The following BBS7 variants were observed in gnomAD, a reference collection of about 807,000 sequenced individuals.
The protein encoded by BBS7 is BBSome complex member BBS7.
A neutral mutation model predicts 90.3 loss-of-function variants in BBS7; 50 were observed. That is an observed-to-expected ratio of 0.55 (90% CI 0.44 to 0.70). The LOEUF (loss-of-function observed/expected upper bound fraction) is 0.70. Ranked by LOEUF, BBS7 falls within the 30% of genes least tolerant of loss-of-function variation. The probability of loss-of-function intolerance (pLI) is 0.00; values close to 1 mark genes in which losing one functional copy is unlikely to be tolerated. For synonymous variants in BBS7, 235 were observed against 287.4 expected (o/e 0.82, Z 1.85); for missense variants, 729 against 838.9 (o/e 0.87, Z 1.62).
Position 121,855,555 on chromosome 4 carries a change from C to T in BBS7, c.535G>A (p.Asp179Asn), listed in dbSNP as rs2149080347. The T allele has an allele frequency of 6.2e-7, 1 of 1,613,214 alleles. No homozygotes were observed. Among genetic ancestry groups the T allele is most frequent in the Non-Finnish European group, 8.5e-7 (1 of 1,179,402 alleles). The change falls in exon 6 of 19, where the codon GAT (aspartate) becomes AAT (asparagine). Residue 179 changes from aspartate (D) to asparagine (N), a missense_variant. Coordinates refer to ENST00000264499, the MANE Select transcript of BBS7 (RefSeq NM_176824.3). The stretch of plus-strand genomic sequence containing the variant: ...GGAACTTCAACTGCATACATCACAT[C>T]AGATCCCTGAAGGAGAAGTATTTAA... ...DRVLRVLQGS[D>N]VMYAVEVPGP...
intron 8 of BBS7, among the ~76,000 whole-genome samples, chr4:121,852,242 G>C (rs751321276): frequency 9.2e-5 from 14 of 152,124 alleles, no homozygotes; most frequent in Non-Finnish European, 1.8e-4. Flanking sequence ...GGTACCACTA[G>C]TAGATAAATT....
Position 121,863,269 on chromosome 4 carries a change from C to T in BBS7, c.113G>A (p.Gly38Glu). 1 of 1,612,914 alleles carries T rather than the reference C, an allele frequency of 6.2e-7. No individual in the cohort carries two copies. The highest frequency in any genetic ancestry group is 8.5e-7 in the Non-Finnish European group (1 of 1,179,142). Residue 38 changes from glycine (G) to glutamate (E), a missense_variant, in exon 3 of 19, where the codon GGA becomes GAA. Coordinates refer to ENST00000264499, the MANE Select transcript of BBS7 (RefSeq NM_176824.3). ...GCACATAACTACCCCATCATGATCTCCAATAACCACCTGTAATAGATGGAA... is the reference window on the plus strand; with the variant it reads ...GCACATAACTACCCCATCATGATCTTCAATAACCACCTGTAATAGATGGAA... ...RHRATQKVVIGDHDGVVMCFG... is the reference protein window; with the variant it reads ...RHRATQKVVIEDHDGVVMCFG...
intron 15 of BBS7, among the ~76,000 whole-genome samples, chr4:121,829,418 G>A (rs771994742): frequency 5.9e-5 from 9 of 152,082 alleles, no homozygotes; most frequent in Non-Finnish European, 1.2e-4. Context: ...CGTATTTTGA[G>A]TAGAGATGGG....
chr4:121,848,969 A>C, intron 8 of BBS7, 41 bp from the exon 9 acceptor site: 2 of 1,432,462 alleles, frequency 1.4e-6, no homozygotes, highest in Non-Finnish European at 2.0e-6. Context: ...AGTAACTAAA[A>C]AATCCACAGA....
At chr4:121,833,492 A>AT in intron 14 of BBS7, 97 bp from the exon 15 acceptor site, 1 of 1,086,042 alleles carries the variant, frequency 9.2e-7, no homozygotes, top group Non-Finnish European at 1.4e-6. Context: ...TAGTTGTTAA[A>AT]TATAAATGAA....
intron 8 of BBS7, among the ~76,000 whole-genome samples, chr4:121,851,480 GAAGA>G (rs764653629): frequency 2.7e-5 from 4 of 150,834 alleles, no homozygotes; most frequent in African/African-American, 7.3e-5. Context: ...AGGGAGAAAG[GAAGA>G]AAGAAAGAAA....
intron 12 of BBS7, among the ~76,000 whole-genome samples, chr4:121,842,152 T>C (rs886144587): frequency 6.6e-6 from 1 of 150,916 alleles, no homozygotes; most frequent in African/African-American, 2.4e-5. Flanking sequence ...CTTGGGAGTC[T>C]TGAGACAGGA....
At chr4:121,838,903 CAA>C (rs35360596) in intron 13 of BBS7, among the ~76,000 whole-genome samples, 54 of 103,706 alleles carry the variant, frequency 5.2e-4, no homozygotes, top group Admixed American at 9.1e-4. Context: ...GACTCCATCT[CAA>C]AAAAAAAAAA....
In BBS7 at chr4:121,861,626, C is replaced by T. The variant is rs1328247712; in HGVS notation, c.219G>A (p.Gly73=). 1.9e-6 allele frequency: 3 copies of T among 1,612,728 alleles called. No individual in the cohort carries two copies. The South Asian group carries it at 3.3e-5, about 18-fold the overall frequency. ...TTTTCTCCTGAGGTGTGTTGATAACCCCTCCCAGTTCCAGCCTTGCAATCT... is the reference window on the plus strand; with the variant it reads ...TTTTCTCCTGAGGTGTGTTGATAACTCCTCCCAGTTCCAGCCTTGCAATCT... ...GPKIARLELG[G]VINTPQEKIF... Residue 73 remains glycine, a synonymous_variant, in exon 4 of 19, where the codon GGG becomes GGA. Coordinates refer to ENST00000264499, the MANE Select transcript of BBS7 (RefSeq NM_176824.3).
chr4:121,863,985 T>A (rs1430488261), intron 2 of BBS7, among the ~76,000 whole-genome samples: 2 of 152,292 alleles, frequency 1.3e-5, no homozygotes, highest in Non-Finnish European at 2.9e-5. Flanking sequence ...AGCGGGAAAG[T>A]GATCATTTAC....
In BBS7 at chr4:121,825,780, T is replaced by G. The variant is rs1280434220; in HGVS notation, c.*80A>C. 3.0e-5 allele frequency: 44 copies of G among 1,452,122 alleles called. No homozygotes were observed. The highest frequency in any genetic ancestry group is 3.9e-5 in the Non-Finnish European group (41 of 1,048,876). The allele number at this position is 1,452,122 out of a possible 1,614,324, so 90.0% of individuals were successfully genotyped here. On this transcript the variant is annotated 3_prime_UTR_variant, in exon 19 of 19. Transcript: ENST00000264499. ...AAAAAGCATTTGAAATTAAAGTACA[T>G]ACACAGTTAACTTCTAATTCTCTTT... is the stretch of plus-strand genomic sequence containing the variant.
intron 3 of BBS7, among the ~76,000 whole-genome samples, chr4:121,862,097 G>C (rs1354271107): frequency 6.6e-6 from 1 of 152,034 alleles, no homozygotes; most frequent in Admixed American, 6.6e-5. Context: ...AGTCCATTTG[G>C]CAAATTCTTT....
chr4:121,847,974 A>C (rs1262661223), intron 9 of BBS7, among the ~76,000 whole-genome samples: 1 of 152,118 alleles, frequency 6.6e-6, no homozygotes, highest in East Asian at 1.9e-4. Context: ...TTTTTATAAG[A>C]CATGTACATA....
chr4:121,825,969 T>C lies in BBS7; in HGVS notation c.2039A>G (p.Asp680Gly). 1 of 1,604,702 alleles carries C rather than the reference T, an allele frequency of 6.2e-7. No individual in the cohort carries two copies. The highest frequency in any genetic ancestry group is 1.7e-5 in the Admixed American group (1 of 59,952). Reference sequence around the variant, plus strand: ...ATTGGTGCCTTTAAACTTAAATTTATCTATGAAAAGATCAGTGATCATGCC... The same window carrying C: ...ATTGGTGCCTTTAAACTTAAATTTACCTATGAAAAGATCAGTGATCATGCC... The part of the protein sequence containing the change: ...LYGMITDLFI[D>G]KFKFKGTNVK... The change falls in exon 19 of 19, where the codon GAT becomes GGT. Residue 680 changes from aspartate to glycine, a missense_variant. By Grantham distance (94) the Asp-to-Gly change is moderately conservative (BLOSUM62 -1). Coordinates refer to ENST00000264499, the MANE Select transcript of BBS7 (RefSeq NM_176824.3).
intron 14 of BBS7, 118 bp downstream of exon 14, chr4:121,835,026 G>A (rs1437870742): frequency 9.8e-7 from 1 of 1,015,492 alleles, no homozygotes; most frequent in Non-Finnish European, 1.4e-6. Context: ...TATTTAAACT[G>A]TTTATTTAAT....
chr4:121,850,926 C>T (rs1304041977), intron 8 of BBS7, among the ~76,000 whole-genome samples: 2 of 152,208 alleles, frequency 1.3e-5, no homozygotes, highest in East Asian at 3.8e-4. Context: ...TATAATAAAT[C>T]ACATAAAGTT....
Position 121,868,684 on chromosome 4 carries a change from C to CAAAAAAAAAAAAAAAA in BBS7, c.37-654_37-639dup, listed in dbSNP as rs34910805. ...TGCGTGACAGAACAAGACCCTGTTT[C>CAAAAAAAAAAAAAAAA]AAAAAAAAAAAAAAAAAAAAAAAAA... On this transcript the variant is annotated intron_variant, in intron 1 of 18. Transcript: ENST00000264499. Among the ~76,000 whole-genome samples the CAAAAAAAAAAAAAAAA allele has an allele frequency of 4.0e-5, 2 of 49,684 alleles. 1 individual carries two copies. Among genetic ancestry groups the CAAAAAAAAAAAAAAAA allele is most frequent in the African/African-American group, 1.8e-4 (2 of 11,056 alleles). The allele number at this position is 49,684 out of a possible 152,430, so 32.6% of individuals were successfully genotyped here.
intron 15 of BBS7, among the ~76,000 whole-genome samples, chr4:121,831,506 C>CA (rs1425126207): frequency 6.7e-6 from 1 of 149,556 alleles, no homozygotes; most frequent in African/African-American, 2.4e-5. Flanking sequence ...AAAGGATAAA[C>CA]AGTTTTGAAT....
chr4:121,870,408 C>T lies in BBS7; in HGVS notation c.-95G>A, dbSNP rs1182820625. ...CCTCCGACCCAGTCAGAAGGCTGCC[C>T]GCGCCCCTCAAAAGCCAGCCCCAGC... On this transcript the variant is annotated 5_prime_UTR_variant, in exon 1 of 19. Coordinates refer to ENST00000264499, the MANE Select transcript of BBS7 (RefSeq NM_176824.3). 3 of 1,472,152 alleles carry T rather than the reference C, an allele frequency of 2.0e-6. No individual in the cohort carries two copies. Among genetic ancestry groups the T allele is most frequent in the East Asian group, 4.6e-5 (2 of 43,258 alleles). 91.2% of individuals were successfully genotyped at this position (1,472,152 alleles called of 1,614,324 possible).
Sources: allele counts gnomAD v4.1 joint callset (sites outside exome capture counted in the v4.1 genomes callset), GRCh38; gene constraint gnomAD v4.1.1; transcripts MANE v1.5; gene names NCBI Gene and HGNC (gene_info 2026-07-23, HGNC 2026-07-21).